The following AP3B1 variants were observed in gnomAD, a reference collection of about 807,000 sequenced individuals.
The protein encoded by AP3B1 is AP-3 complex subunit beta-1.
In AP3B1, 61 loss-of-function variants were observed where a neutral mutation model predicts 132.5. The ratio of observed to expected loss-of-function variants is 0.46; its 90% CI spans 0.37 to 0.57. The LOEUF (loss-of-function observed/expected upper bound fraction) is 0.57. Ranked by LOEUF, AP3B1 falls within the 20% of genes least tolerant of loss-of-function variation. The pLI, the probability that AP3B1 is intolerant of heterozygous loss-of-function variation, is 0.00. For synonymous variants in AP3B1, 388 were observed against 438.3 expected, an observed-to-expected ratio of 0.89 and a Z score of 1.43; for missense variants, 1,120 against 1,289.4, an observed-to-expected ratio of 0.87 and a Z score of 2.01.
intron 22 of AP3B1, among the ~76,000 whole-genome samples, chr5:78,059,528 C>T (rs1027321300): frequency 2.7e-5 from 4 of 150,602 alleles, no homozygotes; most frequent in Admixed American, 6.7e-5. Flanking sequence ...TTTTCAATGG[C>T]TGATCTGTGA....
intron 26 of AP3B1, among the ~76,000 whole-genome samples, chr5:78,013,206 G>T (rs1346238223): frequency 6.6e-6 from 1 of 151,974 alleles, no homozygotes; most frequent in African/African-American, 2.4e-5. Flanking sequence ...CACCATGCCG[G>T]ATTTAATTTT....
At chr5:78,207,012 C>G (rs1745532942) in intron 7 of AP3B1, among the ~76,000 whole-genome samples, 1 of 152,058 alleles carries the variant, frequency 6.6e-6, no homozygotes, top group South Asian at 2.1e-4. Flanking sequence ...AATCCCAGCA[C>G]TTTGGGAGGC....
intron 13 of AP3B1, among the ~76,000 whole-genome samples, chr5:78,156,954 A>C (rs553688880): frequency 1.2e-3 from 178 of 152,246 alleles, no homozygotes; most frequent in African/African-American, 4.2e-3. Flanking sequence ...TGTTCTATAA[A>C]GTCCACTCTA....
chr5:78,081,300 ATTTTTTTTT>A (rs560113962), intron 22 of AP3B1, among the ~76,000 whole-genome samples: 2 of 100,862 alleles, frequency 2.0e-5, no homozygotes, highest in Admixed American at 1.3e-4. Flanking sequence ...GCATTACTTC[ATTTTTTTTT>A]TTTTTTTTTT....
intron 19 of AP3B1, among the ~76,000 whole-genome samples, chr5:78,110,992 G>A (rs527967062): frequency 1.3e-3 from 201 of 152,026 alleles, no homozygotes; most frequent in African/African-American, 4.6e-3. Flanking sequence ...TTCTGGGCTC[G>A]AGTAGTCCTC....
At chr5:78,237,469 C>G (rs956226924) in intron 3 of AP3B1, among the ~76,000 whole-genome samples, 3 of 151,136 alleles carry the variant, frequency 2.0e-5, no homozygotes, top group South Asian at 2.1e-4. Context: ...AGTTCCCCCC[C>G]AAAAAAAGCA....
chr5:78,219,936 G>T (rs1048898843), intron 6 of AP3B1, among the ~76,000 whole-genome samples: 12 of 152,038 alleles, frequency 7.9e-5, no homozygotes, highest in Non-Finnish European at 1.2e-4. Flanking sequence ...ACTGCTGCTG[G>T]CAACAAATAA....
At chr5:78,016,813 T>C (rs73132861) in intron 25 of AP3B1, among the ~76,000 whole-genome samples, 3,228 of 152,190 alleles carry the variant, frequency 0.021, 113 homozygotes, top group African/African-American at 0.069. Flanking sequence ...TTAACTTCAA[T>C]ATTAGGCAAA....
intron 12 of AP3B1, among the ~76,000 whole-genome samples, chr5:78,164,367 A>G (rs1295420987): frequency 6.6e-6 from 1 of 152,094 alleles, no homozygotes; most frequent in African/African-American, 2.4e-5. Context: ...TAGATGACCA[A>G]TATTTTGAAA....
intron 20 of AP3B1, chr5:78,101,299 C>A: frequency 4.4e-6 from 2 of 457,590 alleles, no homozygotes; most frequent in South Asian, 1.8e-5. Context: ...ATTCTACAAT[C>A]GGACAACTTC....
chr5:78,279,958 G>C (rs921368471), intron 1 of AP3B1, among the ~76,000 whole-genome samples: 3 of 137,984 alleles, frequency 2.2e-5, no homozygotes, highest in Non-Finnish European at 3.1e-5. Context: ...TACACCTGTG[G>C]GCCCAGCTAC....
intron 25 of AP3B1, among the ~76,000 whole-genome samples, chr5:78,019,729 G>A (rs969960590): frequency 6.6e-6 from 1 of 152,088 alleles, no homozygotes; most frequent in African/African-American, 2.4e-5. Flanking sequence ...TTGACATTGT[G>A]AATTGCAAAG....
chr5:78,190,598 T>C (rs1744786147), intron 7 of AP3B1, among the ~76,000 whole-genome samples: 1 of 152,206 alleles, frequency 6.6e-6, no homozygotes, highest in Admixed American at 6.5e-5. Flanking sequence ...TCAATATAAG[T>C]GCTGGCTCTA....
At chr5:78,189,908 T>A in intron 7 of AP3B1, among the ~76,000 whole-genome samples, 1 of 146,330 alleles carries the variant, frequency 6.8e-6, no homozygotes, top group Non-Finnish European at 1.5e-5. Context: ...TAAAATAAAA[T>A]AAAATAAAAT....
At chr5:78,154,803 T>C (rs962984213) in intron 14 of AP3B1, among the ~76,000 whole-genome samples, 3 of 152,222 alleles carry the variant, frequency 2.0e-5, no homozygotes, top group South Asian at 2.1e-4. Flanking sequence ...GATTCTTTTT[T>C]ACTATTTCAA....
chr5:78,285,236 A>G (rs1405775518), intron 1 of AP3B1, among the ~76,000 whole-genome samples: 1 of 149,422 alleles, frequency 6.7e-6, no homozygotes, highest in African/African-American at 2.4e-5. Context: ...GCGACAGAGC[A>G]AGACTCTGTC....
At chr5:78,052,767 C>T (rs535956183) in intron 22 of AP3B1, among the ~76,000 whole-genome samples, 1 of 152,348 alleles carries the variant, frequency 6.6e-6, no homozygotes, top group East Asian at 1.9e-4. Flanking sequence ...AATACACTTA[C>T]TGCTTTTCTA....
intron 22 of AP3B1, chr5:78,043,901 A>C: frequency 2.8e-6 from 1 of 354,518 alleles, no homozygotes. Flanking sequence ...GGGAACCATT[A>C]CCATGGGTTG....
chr5:78,107,332 T>C (rs1751379958), intron 20 of AP3B1, among the ~76,000 whole-genome samples: 1 of 151,916 alleles, frequency 6.6e-6, no homozygotes, highest in African/African-American at 2.4e-5. Context: ...TAGGATAGAG[T>C]TGGAAATAAC....
Sources: gnomAD v4.1 joint callset for allele counts (sites outside exome capture counted in the v4.1 genomes callset) on GRCh38, gnomAD v4.1.1 for gene constraint, MANE v1.5 for transcripts, NCBI Gene and HGNC (gene_info 2026-07-23, HGNC 2026-07-21) for gene names.